ANKRD31: variants seen among roughly 807,000 people sequenced by gnomAD.
ANKRD31 encodes ankyrin repeat domain-containing protein 31.
A neutral mutation model predicts 186.0 loss-of-function variants in ANKRD31; 147 were observed. The ratio of observed to expected loss-of-function variants is 0.79; its 90% CI spans 0.69 to 0.91. The LOEUF (loss-of-function observed/expected upper bound fraction) is 0.91. Ranked by LOEUF, ANKRD31 falls within the 40% of genes least tolerant of loss-of-function variation. ANKRD31 has a pLI of 0.00. For missense variants in ANKRD31, 1,986 were observed against 2,148.8 expected (o/e 0.92, Z 1.50); for synonymous variants, 673 against 736.4 (o/e 0.91, Z 1.39).
intron 22 of ANKRD31, among the ~76,000 whole-genome samples, chr5:75,103,232 AC>A (rs1313848703): frequency 6.6e-6 from 1 of 152,222 alleles, no homozygotes; most frequent in East Asian, 1.9e-4. Context: ...CATATGGCCA[AC>A]AAAGATATGA....
rs192683663 is a variant in ANKRD31 at position 75,181,044 on chromosome 5, A to C, written c.1564+7449T>G. On this transcript the variant is annotated intron_variant, in intron 10 of 25. Coordinates refer to ENST00000506364, the MANE Select transcript of ANKRD31 (RefSeq NM_001372053.1). ...CTCAAACAAATTTACAAAAAAAAAA[A>C]ACAAGCAACCCCATCAAAAAGTGGG... 2.7e-3 allele frequency among the ~76,000 whole-genome samples: 391 copies of C among 144,038 alleles called. 2 individuals are homozygous for C. The highest frequency in any genetic ancestry group is 4.7e-3 in the Non-Finnish European group (310 of 66,204). 94.5% of individuals were successfully genotyped at this position (144,038 alleles called of 152,430 possible). A position where few individuals can be genotyped will look rare whatever the true frequency, so the allele number is the denominator to read the frequency against.
chr5:75,199,467 A>G (rs1434602949), intron 6 of ANKRD31, among the ~76,000 whole-genome samples, 164 bp downstream of exon 6: 3 of 152,256 alleles, frequency 2.0e-5, no homozygotes, highest in Non-Finnish European at 4.4e-5. Context: ...ATAAGGAAGA[A>G]TAAACATGAA....
chr5:75,091,944 T>C (rs1252185233), intron 22 of ANKRD31, among the ~76,000 whole-genome samples: 1 of 151,858 alleles, frequency 6.6e-6, no homozygotes, highest in Non-Finnish European at 1.5e-5. Context: ...TGTAAGGTGG[T>C]GGTTTCACAT....
At position 75,147,447 on chromosome 5, in the gene ANKRD31, C is replaced by T; in HGVS notation, c.1964G>A (p.Arg655Lys). The part of the protein sequence containing the change: ...IWHVYNENSN[R>K]QKLEHVKVNK... ...GACTTTTACATGTTCCAGCTTCTGT[C>T]TGTTGGAATTTTCATTATAAACATG... Residue 655 changes from arginine to lysine, a missense_variant, in exon 14 of 26, where the codon AGA becomes AAA. Transcript: ENST00000506364. 1.3e-6 allele frequency: 2 copies of T among 1,495,932 alleles called. No homozygotes were observed. Among genetic ancestry groups the T allele is most frequent in the Non-Finnish European group, 1.8e-6 (2 of 1,132,490 alleles). 92.7% of individuals were successfully genotyped at this position (1,495,932 alleles called of 1,614,324 possible). A position where few individuals can be genotyped will look rare whatever the true frequency, so the allele number is the denominator to read the frequency against.
intron 6 of ANKRD31, among the ~76,000 whole-genome samples, chr5:75,198,677 G>T (rs140967998): frequency 2.8e-4 from 42 of 152,210 alleles, no homozygotes; most frequent in African/African-American, 9.1e-4. Context: ...GGTCAAGATC[G>T]CCAGAATTAT....
chr5:75,201,591 A>G (rs181339876), intron 5 of ANKRD31, among the ~76,000 whole-genome samples: 73 of 152,302 alleles, frequency 4.8e-4, no homozygotes, highest in Middle Eastern at 3.4e-3. Flanking sequence ...ATTTTCTCCC[A>G]TGTTGTCTTT....
chr5:75,189,705 G>A (rs181763300), intron 9 of ANKRD31, among the ~76,000 whole-genome samples: 11 of 152,298 alleles, frequency 7.2e-5, no homozygotes, highest in Non-Finnish European at 1.5e-4. Flanking sequence ...TAGGGGGAAA[G>A]CATTTAATCT....
intron 10 of ANKRD31, among the ~76,000 whole-genome samples, chr5:75,172,792 G>A (rs1382340239): frequency 6.6e-6 from 1 of 152,192 alleles, no homozygotes; most frequent in East Asian, 1.9e-4. Flanking sequence ...ATTCACAGCC[G>A]AATTCTAACA....
At chr5:75,105,664 GA>G (rs1245641236) in intron 21 of ANKRD31, among the ~76,000 whole-genome samples, 1 of 152,124 alleles carries the variant, frequency 6.6e-6, no homozygotes, top group Non-Finnish European at 1.5e-5. Flanking sequence ...AGTACAATTT[GA>G]AAGTTCTATT....
intron 3 of ANKRD31, among the ~76,000 whole-genome samples, chr5:75,212,259 CTAAGTTT>C (rs1756696264): frequency 6.6e-6 from 1 of 152,026 alleles, no homozygotes; most frequent in African/African-American, 2.4e-5. Context: ...TTGTCCAGTT[CTAAGTTT>C]TAATATTTCC....
At chr5:75,120,824 G>A (rs1748704036) in intron 17 of ANKRD31, among the ~76,000 whole-genome samples, 1 of 152,186 alleles carries the variant, frequency 6.6e-6, no homozygotes, top group South Asian at 2.1e-4. Flanking sequence ...TAGATAGGCA[G>A]AATGGATTTT....
At chr5:75,102,426 C>T (rs1026082819) in intron 22 of ANKRD31, among the ~76,000 whole-genome samples, 10 of 152,176 alleles carry the variant, frequency 6.6e-5, no homozygotes, top group Non-Finnish European at 1.5e-4. Flanking sequence ...ATCTCAAGCT[C>T]CATGCTGGAA....
chr5:75,194,833 T>C (rs6890320), intron 7 of ANKRD31, among the ~76,000 whole-genome samples: 23,613 of 151,936 alleles, frequency 0.16, 2,082 homozygotes, highest in African/African-American at 0.24. Context: ...ATGGAAATAA[T>C]TGGAGAGAGA....
At chr5:75,081,264 A>T (rs1455704211) in intron 24 of ANKRD31, among the ~76,000 whole-genome samples, 15 of 152,118 alleles carry the variant, frequency 9.9e-5, no homozygotes, top group Admixed American at 5.2e-4. Context: ...TAACATTAAA[A>T]TTTCCTTTTC....
At chr5:75,191,123 A>T (rs1168150864) in intron 9 of ANKRD31, among the ~76,000 whole-genome samples, 1 of 152,146 alleles carries the variant, frequency 6.6e-6, no homozygotes, top group African/African-American at 2.4e-5. Context: ...AGATTCACTT[A>T]CGCTTTCTTC....
At chr5:75,167,573 C>T (rs925561499) in intron 11 of ANKRD31, among the ~76,000 whole-genome samples, 2 of 152,208 alleles carry the variant, frequency 1.3e-5, no homozygotes, top group Non-Finnish European at 1.5e-5. Context: ...ATATGAACCA[C>T]AGGCAGATTG....
chr5:75,154,801 T>C (rs901790847), intron 11 of ANKRD31, among the ~76,000 whole-genome samples: 3 of 152,170 alleles, frequency 2.0e-5, no homozygotes, highest in African/African-American at 7.2e-5. Flanking sequence ...GAGATAATTA[T>C]GTCTTCCGTC....
At chr5:75,115,453 C>T (rs2150077142) in intron 19 of ANKRD31, among the ~76,000 whole-genome samples, 1 of 152,070 alleles carries the variant, frequency 6.6e-6, no homozygotes, top group African/African-American at 2.4e-5. Flanking sequence ...AAAGAAACTA[C>T]CATCAGAGTG....
chr5:75,131,145 C>T (rs529455057), intron 17 of ANKRD31, among the ~76,000 whole-genome samples: 21 of 152,262 alleles, frequency 1.4e-4, no homozygotes, highest in East Asian at 7.8e-4. Flanking sequence ...GCCCCAGCTC[C>T]GACCTGTGCC....
Sources: gnomAD v4.1 joint callset for allele counts (sites outside exome capture counted in the v4.1 genomes callset) on GRCh38, gnomAD v4.1.1 for gene constraint, MANE v1.5 for transcripts, NCBI Gene and HGNC (gene_info 2026-07-23, HGNC 2026-07-21) for gene names.